The following MBNL1 variants were observed in gnomAD, a reference collection of about 807,000 sequenced individuals.
MBNL1 encodes the protein muscleblind-like protein 1.
In MBNL1, 8 loss-of-function variants were observed where a neutral mutation model predicts 42.2. The ratio of observed to expected loss-of-function variants is 0.19; its 90% CI spans 0.11 to 0.34. The LOEUF (loss-of-function observed/expected upper bound fraction) is 0.34. Among genes scored for constraint, MBNL1 ranks in the 10% least tolerant of loss-of-function variants. The probability of loss-of-function intolerance (pLI) is 1.00; values close to 1 mark genes in which losing one functional copy is unlikely to be tolerated. For missense variants in MBNL1, 309 were observed against 495.3 expected (o/e 0.62, Z 3.57); for synonymous variants, 169 against 173.9 (o/e 0.97, Z 0.22).
chr3:152,365,677 A>G (rs913730721), intron 2 of MBNL1, among the ~76,000 whole-genome samples: 2 of 152,186 alleles, frequency 1.3e-5, no homozygotes, highest in Admixed American at 1.3e-4. Context: ...CAGTTTGTGT[A>G]CAACTGATAT....
chr3:152,292,919 T>A (rs2056774697), intron 1 of MBNL1, among the ~76,000 whole-genome samples: 1 of 151,840 alleles, frequency 6.6e-6, no homozygotes, highest in Admixed American at 6.6e-5. Flanking sequence ...CAGGCATTTG[T>A]CACCCTGCCT....
intron 2 of MBNL1, among the ~76,000 whole-genome samples, chr3:152,327,156 T>G (rs1196837457): frequency 6.6e-6 from 1 of 152,094 alleles, no homozygotes; most frequent in Non-Finnish European, 1.5e-5. Context: ...ATTAATATGT[T>G]TTGATAACAT....
chr3:152,399,950 A>G (rs2153539798), intron 2 of MBNL1, among the ~76,000 whole-genome samples: 1 of 152,350 alleles, frequency 6.6e-6, no homozygotes, highest in African/African-American at 2.4e-5. Context: ...TATTTAGGTC[A>G]CTTTCATTCT....
At chr3:152,282,878 A>G (rs2049312828) in intron 1 of MBNL1, among the ~76,000 whole-genome samples, 3 of 152,208 alleles carry the variant, frequency 2.0e-5, no homozygotes, top group Admixed American at 6.5e-5. Flanking sequence ...GGGAAGAGAA[A>G]ACTCATTTTG....
intron 2 of MBNL1, among the ~76,000 whole-genome samples, chr3:152,254,539 T>G (rs1290646886): frequency 6.6e-6 from 1 of 152,172 alleles, no homozygotes; most frequent in East Asian, 1.9e-4. Flanking sequence ...CTCACATCTA[T>G]GCTTATTTTC....
chr3:152,369,223 G>T (rs990085142), intron 2 of MBNL1, among the ~76,000 whole-genome samples: 1 of 152,136 alleles, frequency 6.6e-6, no homozygotes, highest in Non-Finnish European at 1.5e-5. Context: ...GCATGAAGGG[G>T]TGTTGAATTT....
At chr3:152,294,409 G>A (rs879916383) in intron 1 of MBNL1, among the ~76,000 whole-genome samples, 59 of 149,672 alleles carry the variant, frequency 3.9e-4, no homozygotes, top group Non-Finnish European at 6.1e-4. Flanking sequence ...TCACCCTCCC[G>A]AGTAGCTGGG....
intron 4 of MBNL1, among the ~76,000 whole-genome samples, chr3:152,442,837 T>G (rs995804919): frequency 3.9e-5 from 6 of 152,238 alleles, no homozygotes; most frequent in African/African-American, 1.4e-4. Context: ...CACTGGCCTG[T>G]AACTCTCACC....
At chr3:152,319,614 G>GCTTTTT (rs1184071631) in intron 2 of MBNL1, among the ~76,000 whole-genome samples, 1 of 80,532 alleles carries the variant, frequency 1.2e-5, no homozygotes, top group Non-Finnish European at 2.3e-5. Flanking sequence ...GTTCTATACT[G>GCTTTTT]TTTTTTTTTT....
At chr3:152,457,075 G>A (rs1735143967) in intron 8 of MBNL1, among the ~76,000 whole-genome samples, 1 of 151,536 alleles carries the variant, frequency 6.6e-6, no homozygotes, top group Admixed American at 6.6e-5. Flanking sequence ...TAAGTGAAAG[G>A]GATTTGTTTC....
intron 3 of MBNL1, among the ~76,000 whole-genome samples, chr3:152,416,751 G>C (rs1248699468): frequency 6.6e-6 from 1 of 152,180 alleles, no homozygotes; most frequent in Non-Finnish European, 1.5e-5. Context: ...GCCATTCTAG[G>C]ATGTCGTGTG....
intron 2 of MBNL1, among the ~76,000 whole-genome samples, chr3:152,316,504 A>G (rs2071565613): frequency 6.6e-6 from 1 of 152,192 alleles, no homozygotes; most frequent in South Asian, 2.1e-4. Context: ...CTGCCTGCAC[A>G]AAGCAGAAGA....
chr3:152,302,992 T>C (rs1037781098), intron 2 of MBNL1, among the ~76,000 whole-genome samples: 1 of 150,740 alleles, frequency 6.6e-6, no homozygotes, highest in African/African-American at 2.4e-5. Context: ...AATAGCAGAC[T>C]TCTAGTTAGA....
At chr3:152,362,951 A>C (rs2096085888) in intron 2 of MBNL1, among the ~76,000 whole-genome samples, 1 of 152,208 alleles carries the variant, frequency 6.6e-6, no homozygotes, top group African/African-American at 2.4e-5. Flanking sequence ...TGAAAGATCC[A>C]TGCAATTGGC....
chr3:152,463,626 T>TTTTTG lies in MBNL1; in HGVS notation c.*1278_*1282dup, dbSNP rs912259135. 2 of 152,592 alleles carry TTTTTG rather than the reference T, an allele frequency of 1.3e-5. No individual in the cohort carries two copies. Among genetic ancestry groups the TTTTTG allele is most frequent in the South Asian group, 4.1e-4 (2 of 4,830 alleles). The allele number at this position is 152,592 out of a possible 1,614,324, so 9.5% of individuals were successfully genotyped here. A position where few individuals can be genotyped will look rare whatever the true frequency, so the allele number is the denominator to read the frequency against. On this transcript the variant is annotated 3_prime_UTR_variant, in exon 10 of 10. Transcript: ENST00000324210. ...GTACATGGGTGAATTTTATATGTGATTTTTGTTTTGTTTTGTTTTGTTCAG... is the reference window on the plus strand; with the variant it reads ...GTACATGGGTGAATTTTATATGTGATTTTTGTTTTGTTTTGTTTTGTTTTGTTCAG...
At chr3:152,274,185 T>G (rs2043522069) in intron 1 of MBNL1, among the ~76,000 whole-genome samples, 1 of 151,446 alleles carries the variant, frequency 6.6e-6, no homozygotes, top group Admixed American at 6.6e-5. Flanking sequence ...TAACTAAAAA[T>G]GAACTTGTTT....
At chr3:152,406,984 G>T (rs952613419) in intron 2 of MBNL1, among the ~76,000 whole-genome samples, 1 of 151,920 alleles carries the variant, frequency 6.6e-6, no homozygotes, top group African/African-American at 2.4e-5. Context: ...AATAGGCTGT[G>T]TGTGTATTTG....
At chr3:152,442,498 T>C (rs2099157795) in intron 4 of MBNL1, among the ~76,000 whole-genome samples, 1 of 152,232 alleles carries the variant, frequency 6.6e-6, no homozygotes, top group East Asian at 1.9e-4. Flanking sequence ...TAATTTTATA[T>C]TCTGTTTCAA....
intron 2 of MBNL1, among the ~76,000 whole-genome samples, chr3:152,367,249 C>T (rs1016570999): frequency 7.0e-6 from 1 of 143,526 alleles, no homozygotes; most frequent in Non-Finnish European, 1.5e-5. Context: ...CATTGTTCAA[C>T]TCCCACTTAT....
Sources: allele counts gnomAD v4.1 joint callset (sites outside exome capture counted in the v4.1 genomes callset), GRCh38; gene constraint gnomAD v4.1.1; transcripts MANE v1.5; gene names NCBI Gene and HGNC (gene_info 2026-07-23, HGNC 2026-07-21).